The following SUGCT variants were observed in gnomAD, a reference collection of about 807,000 sequenced individuals.
SUGCT encodes the protein succinyl-CoA:glutarate-CoA transferase.
Under a neutral mutation model 55.0 loss-of-function variants are expected in SUGCT, and 41 were observed. That is an observed-to-expected ratio of 0.74 (90% CI 0.58 to 0.97). SUGCT has a LOEUF of 0.97. Among genes scored for constraint, SUGCT ranks in the 50% least tolerant of loss-of-function variants. The pLI is 0.00. For synonymous variants in SUGCT, 187 were observed against 200.4 expected, an observed-to-expected ratio of 0.93 and a Z score of 0.56; for missense variants, 568 against 547.8, an observed-to-expected ratio of 1.04 and a Z score of -0.37.
intron 12 of SUGCT, among the ~76,000 whole-genome samples, chr7:40,567,928 G>A (rs1482393048): frequency 6.6e-6 from 1 of 152,174 alleles, no homozygotes; most frequent in Non-Finnish European, 1.5e-5. Context: ...GGCATACAAA[G>A]AAAGACTGTA....
At chr7:40,296,594 GAGAC>G (rs748929229) in intron 8 of SUGCT, among the ~76,000 whole-genome samples, 16 of 150,888 alleles carry the variant, frequency 1.1e-4, no homozygotes, top group African/African-American at 2.0e-4. Context: ...GGAAGGGAGA[GAGAC>G]AGAGTGAGTG....
Position 40,420,391 on chromosome 7 carries a change from C to T in SUGCT, c.817-28896C>T, listed in dbSNP as rs536952502. ...TCTTACTCTGTTTCCCAGGCTAGAG[C>T]ACATTGGTGTGATTTGGGCTCACTG... is the stretch of plus-strand genomic sequence containing the variant. On this transcript the variant is annotated intron_variant, in intron 9 of 13. Coordinates refer to ENST00000335693, the MANE Select transcript of SUGCT (RefSeq NM_001193313.2). Among the ~76,000 whole-genome samples, 3 of 152,138 alleles carry T rather than the reference C, an allele frequency of 2.0e-5. No homozygotes were observed. In the South Asian group the frequency reaches 6.2e-4, roughly 32 times the overall value.
At chr7:40,916,486 A>G in the SUGCT span, among the ~76,000 whole-genome samples, 1 of 152,158 alleles carries the variant, frequency 6.6e-6, no homozygotes, top group Non-Finnish European at 1.5e-5. Flanking sequence ...TGTGAGGATG[A>G]AGGAGGAGTC....
chr7:40,751,947 G>T (rs980959939), intron 13 of SUGCT, among the ~76,000 whole-genome samples: 14 of 152,188 alleles, frequency 9.2e-5, no homozygotes, highest in Non-Finnish European at 8.8e-5. Context: ...TCAGCAGGAG[G>T]GAAGTATTAT....
At chr7:40,881,140 C>T in the SUGCT span, among the ~76,000 whole-genome samples, 11 of 152,274 alleles carry the variant, frequency 7.2e-5, no homozygotes, top group African/African-American at 1.7e-4. Context: ...CTCATGTTTT[C>T]GTGGGTAACA....
intron 8 of SUGCT, among the ~76,000 whole-genome samples, chr7:40,292,216 T>C (rs1793832714): frequency 6.6e-6 from 1 of 152,224 alleles, no homozygotes; most frequent in Non-Finnish European, 1.5e-5. Context: ...GGTGGAGTTG[T>C]ACTTATTTTT....
chr7:40,780,492 T>C (rs1401415776), intron 13 of SUGCT, among the ~76,000 whole-genome samples: 1 of 152,122 alleles, frequency 6.6e-6, no homozygotes, highest in African/African-American at 2.4e-5. Flanking sequence ...GATCCCTCTG[T>C]CCTCTGAGAA....
chr7:40,906,811 A>T, the SUGCT span, among the ~76,000 whole-genome samples: 4 of 152,212 alleles, frequency 2.6e-5, no homozygotes, highest in African/African-American at 9.6e-5. Context: ...GAAAGGAGAG[A>T]GGAGAAGTAG....
chr7:40,783,908 A>G (rs1789885134), intron 13 of SUGCT, among the ~76,000 whole-genome samples: 1 of 152,146 alleles, frequency 6.6e-6, no homozygotes, highest in Non-Finnish European at 1.5e-5. Context: ...ACTCACTCAT[A>G]AAACTAATTT....
intron 9 of SUGCT, among the ~76,000 whole-genome samples, chr7:40,403,859 T>C (rs1260602557): frequency 6.6e-6 from 1 of 152,202 alleles, no homozygotes; most frequent in African/African-American, 2.4e-5. Context: ...TTTTAATCTC[T>C]TTGAGGATTA....
At chr7:40,296,679 A>G (rs1437107778) in intron 8 of SUGCT, among the ~76,000 whole-genome samples, 2 of 146,962 alleles carry the variant, frequency 1.4e-5, no homozygotes, top group Admixed American at 6.9e-5. Flanking sequence ...TTATTGTTGA[A>G]TTAACTTCTC....
At chr7:40,410,352 T>A (rs756514137) in intron 9 of SUGCT, among the ~76,000 whole-genome samples, 2 of 152,214 alleles carry the variant, frequency 1.3e-5, no homozygotes, top group Non-Finnish European at 2.9e-5. Context: ...TTGTATAACT[T>A]TGACCATAAA....
chr7:40,557,627 G>T (rs1400942761), intron 12 of SUGCT, among the ~76,000 whole-genome samples: 8 of 152,038 alleles, frequency 5.3e-5, no homozygotes, highest in Non-Finnish European at 1.0e-4. Context: ...ACAAAAATTA[G>T]CTGGGCATGG....
intron 12 of SUGCT, among the ~76,000 whole-genome samples, chr7:40,708,283 G>A (rs1584312319): frequency 6.6e-6 from 1 of 152,152 alleles, no homozygotes; most frequent in African/African-American, 2.4e-5. Flanking sequence ...GAGACTTGAT[G>A]CCCTTCATTC....
At chr7:40,747,645 A>G (rs1413239131) in intron 12 of SUGCT, among the ~76,000 whole-genome samples, 3 of 152,164 alleles carry the variant, frequency 2.0e-5, no homozygotes, top group Non-Finnish European at 4.4e-5. Context: ...CACGTACAAG[A>G]CAGGAAGAGA....
intron 9 of SUGCT, among the ~76,000 whole-genome samples, chr7:40,332,627 G>A (rs903923368): frequency 3.9e-5 from 6 of 152,138 alleles, no homozygotes; most frequent in Admixed American, 3.9e-4. Flanking sequence ...AAGAAGCTGG[G>A]AGGCAGGGAA....
chr7:40,258,640 G>A (rs565091107), intron 7 of SUGCT, among the ~76,000 whole-genome samples: 1 of 152,322 alleles, frequency 6.6e-6, no homozygotes, highest in East Asian at 1.9e-4. Flanking sequence ...GCCTCCCAAA[G>A]TGCTGGGATT....
intron 9 of SUGCT, among the ~76,000 whole-genome samples, chr7:40,350,613 G>A (rs532640155): frequency 2.0e-5 from 3 of 151,872 alleles, no homozygotes; most frequent in South Asian, 4.2e-4. Flanking sequence ...TTAGAGGCAT[G>A]AGCCACCGTG....
chr7:40,634,137 G>GA (rs1001335047), intron 12 of SUGCT, among the ~76,000 whole-genome samples: 7 of 151,330 alleles, frequency 4.6e-5, no homozygotes, highest in Non-Finnish European at 7.4e-5. Flanking sequence ...AGAGTTGGAG[G>GA]AAAAAAAACA....
Sources: allele counts gnomAD v4.1 joint callset (sites outside exome capture counted in the v4.1 genomes callset), GRCh38; gene constraint gnomAD v4.1.1; transcripts MANE v1.5; gene names NCBI Gene and HGNC (gene_info 2026-07-23, HGNC 2026-07-21).